The following PARD3B variants were observed in gnomAD, a reference collection of about 807,000 sequenced individuals.
PARD3B encodes the protein par-3 family cell polarity regulator beta, also known as partitioning defective 3 homolog B.
In PARD3B, 103 loss-of-function variants were observed where a neutral mutation model predicts 130.2. That is an observed-to-expected ratio of 0.79 (90% CI 0.67 to 0.93). PARD3B has a LOEUF of 0.93. PARD3B is among the 40% of genes least tolerant of loss of function. PARD3B has a pLI of 0.00. For synonymous variants in PARD3B, 583 were observed against 553.2 expected (o/e 1.05, Z -0.76); for missense variants, 1,609 against 1,499.2 (o/e 1.07, Z -1.21).
chr2:204,788,178 T>C (rs2042076251), intron 2 of PARD3B, among the ~76,000 whole-genome samples: 1 of 152,228 alleles, frequency 6.6e-6, no homozygotes, highest in Non-Finnish European at 1.5e-5. Context: ...TATAGTTTAA[T>C]GGACTCTGTT....
Position 205,436,178 on chromosome 2 carries a change from G to A in PARD3B, c.2742-4192G>A, listed in dbSNP as rs142098905. ...ATGTTAATCTTTTCACGATGGCTTA[G>A]TCACTTCCCAAAAGGCTTAGTCACT... On this transcript the variant is annotated intron_variant, in intron 19 of 22. Transcript: ENST00000406610. 6.8e-4 allele frequency among the ~76,000 whole-genome samples: 104 copies of A among 152,260 alleles called. 1 individual carries two copies. The highest frequency in any genetic ancestry group is 1.1e-3 in the Non-Finnish European group (78 of 68,030).
intron 18 of PARD3B, among the ~76,000 whole-genome samples, chr2:205,336,116 A>G (rs916297075): frequency 3.3e-5 from 5 of 152,198 alleles, no homozygotes; most frequent in African/African-American, 1.2e-4. Flanking sequence ...GGCCTCCCAA[A>G]GTGCTGGGAT....
At chr2:205,060,477 A>G (rs761292323) in intron 4 of PARD3B, among the ~76,000 whole-genome samples, 1 of 152,128 alleles carries the variant, frequency 6.6e-6, no homozygotes, top group Admixed American at 6.6e-5. Context: ...TCAGTTGCCT[A>G]GTGATTAAGA....
chr2:205,504,556 AACCCC>A (rs1236802523), intron 21 of PARD3B, among the ~76,000 whole-genome samples: 1 of 152,240 alleles, frequency 6.6e-6, no homozygotes, highest in Non-Finnish European at 1.5e-5. Flanking sequence ...AGAAAAAAAC[AACCCC>A]ATCAAAAAGT....
intron 19 of PARD3B, among the ~76,000 whole-genome samples, chr2:205,413,855 T>A (rs929316302): frequency 1.3e-5 from 2 of 152,164 alleles, no homozygotes; most frequent in Non-Finnish European, 2.9e-5. Context: ...TGTGTCCCCA[T>A]CCCCTTTCAT....
chr2:204,639,356 C>T (rs751566916), intron 1 of PARD3B, among the ~76,000 whole-genome samples: 1 of 152,066 alleles, frequency 6.6e-6, no homozygotes, highest in Non-Finnish European at 1.5e-5. Context: ...ATAACTATTA[C>T]TATCATTATT....
chr2:205,478,905 A>G (rs2049122827), intron 20 of PARD3B, among the ~76,000 whole-genome samples: 4 of 152,184 alleles, frequency 2.6e-5, no homozygotes, highest in Admixed American at 2.6e-4. Flanking sequence ...GAGCATTAAT[A>G]AGCCAAGCAC....
intron 1 of PARD3B, among the ~76,000 whole-genome samples, chr2:204,559,378 G>A (rs534109523): frequency 6.6e-6 from 1 of 152,286 alleles, no homozygotes; most frequent in African/African-American, 2.4e-5. Context: ...AGTGGGCAAA[G>A]GTTATGAACA....
intron 20 of PARD3B, among the ~76,000 whole-genome samples, chr2:205,483,141 T>C (rs867668506): frequency 6.6e-6 from 1 of 152,324 alleles, no homozygotes; most frequent in East Asian, 1.9e-4. Context: ...TAAACCTTGA[T>C]GGGATTAAGC....
intron 4 of PARD3B, among the ~76,000 whole-genome samples, chr2:205,093,493 G>A (rs1702231276): frequency 6.6e-6 from 1 of 152,106 alleles, no homozygotes; most frequent in South Asian, 2.1e-4. Flanking sequence ...AGAGTGTTCA[G>A]GGAAAAAGTG....
intron 20 of PARD3B, among the ~76,000 whole-genome samples, chr2:205,492,969 AAG>A (rs1345973749): frequency 5.9e-5 from 9 of 152,148 alleles, no homozygotes; most frequent in Admixed American, 5.2e-4. Flanking sequence ...ATGCATGTAC[AAG>A]AGTCTCTCAA....
chr2:205,372,073 T>G (rs1385671377), intron 18 of PARD3B, among the ~76,000 whole-genome samples: 1 of 152,218 alleles, frequency 6.6e-6, no homozygotes. Flanking sequence ...GATGGACATT[T>G]GGGTGGTTTC....
chr2:204,721,654 T>G (rs1483243508), intron 2 of PARD3B, among the ~76,000 whole-genome samples: 1 of 152,186 alleles, frequency 6.6e-6, no homozygotes, highest in Non-Finnish European at 1.5e-5. Flanking sequence ...TGCAAATTCA[T>G]TATATTTAAA....
chr2:204,916,899 A>G (rs1266648944), intron 2 of PARD3B, among the ~76,000 whole-genome samples: 1 of 152,232 alleles, frequency 6.6e-6, no homozygotes, highest in African/African-American at 2.4e-5. Context: ...GAGTACCAGT[A>G]AACTTTAAAG....
chr2:204,785,351 G>A (rs2041973845), intron 2 of PARD3B, among the ~76,000 whole-genome samples: 1 of 151,836 alleles, frequency 6.6e-6, no homozygotes, highest in Non-Finnish European at 1.5e-5. Context: ...TTTTCCCCCA[G>A]CCCCTCCTTT....
chr2:204,914,704 G>T (rs796095853), intron 2 of PARD3B, among the ~76,000 whole-genome samples: 6 of 152,268 alleles, frequency 3.9e-5, no homozygotes, highest in African/African-American at 1.4e-4. Flanking sequence ...TGGTGAAGAG[G>T]TTAGGAGCAG....
At chr2:205,238,894 A>ATATATATGTATGTG (rs2039218017) in intron 15 of PARD3B, among the ~76,000 whole-genome samples, 1 of 125,882 alleles carries the variant, frequency 7.9e-6, no homozygotes, top group Non-Finnish European at 1.7e-5. Flanking sequence ...GTGTATATAT[A>ATATATATGTATGTG]TATATATATA....
chr2:205,300,448 G>C lies in PARD3B; in HGVS notation c.2186-82G>C. Reference sequence around the variant, plus strand: ...TAACACCCCTTTTTTGGGATGTCCAGACAGAAATATTCTTAGAACAATAGC... The same window carrying C: ...TAACACCCCTTTTTTGGGATGTCCACACAGAAATATTCTTAGAACAATAGC... On this transcript the variant is annotated intron_variant, in intron 16 of 22. Transcript: ENST00000406610. The surrounding 1 kb of genome is among the most constrained non-coding windows in gnomAD (Gnocchi z 4.1). 7.5e-7 allele frequency: 1 copy of C among 1,331,942 alleles called. No individual in the cohort carries two copies. Among genetic ancestry groups the C allele is most frequent in the Non-Finnish European group, 1.1e-6 (1 of 940,984 alleles). 82.5% of individuals were successfully genotyped at this position (1,331,942 alleles called of 1,614,324 possible).
At chr2:204,942,648 TACAAAC>T (rs1688992369) in intron 2 of PARD3B, among the ~76,000 whole-genome samples, 1 of 152,126 alleles carries the variant, frequency 6.6e-6, no homozygotes, top group African/African-American at 2.4e-5. Flanking sequence ...CAAGTAGTTA[TACAAAC>T]ACTTTGGTCA....
Sources: gnomAD v4.1 joint callset for allele counts (sites outside exome capture counted in the v4.1 genomes callset) on GRCh38, gnomAD v4.1.1 for gene constraint, Gnocchi (gnomAD v3.1) non-coding constraint, MANE v1.5 for transcripts, NCBI Gene and HGNC (gene_info 2026-07-23, HGNC 2026-07-21) for gene names.